Variants in SAFB observed in about 807,000 individuals in gnomAD.
SAFB encodes scaffold attachment factor B1.
In SAFB, 15 loss-of-function variants were observed where a neutral mutation model predicts 101.6. That is an observed-to-expected ratio of 0.15 (90% CI 0.10 to 0.23). SAFB has a LOEUF of 0.23. Among genes scored for constraint, SAFB ranks in the 10% least tolerant of loss-of-function variants. SAFB has a pLI of 1.00. For missense variants in SAFB, 930 were observed against 1,104.1 expected (o/e 0.84, Z 2.23); for synonymous variants, 449 against 407.5 (o/e 1.10, Z -1.23).
chr19:5,655,100 C>T (rs56235695), intron 13 of SAFB, among the ~76,000 whole-genome samples: 5,767 of 152,236 alleles, frequency 0.038, 167 homozygotes, highest in Non-Finnish European at 0.056. Context: ...CCTGGCCCAT[C>T]TCGCCAGCCT....
At chr19:5,632,769 G>T (rs1475546405) in intron 2 of SAFB, among the ~76,000 whole-genome samples, 3 of 152,108 alleles carry the variant, frequency 2.0e-5, no homozygotes, top group Non-Finnish European at 4.4e-5. Flanking sequence ...ACCGGGTCTT[G>T]CCCTGTTACC....
chr19:5,644,805 C>T (rs909421845), intron 4 of SAFB, among the ~76,000 whole-genome samples: 16 of 152,332 alleles, frequency 1.1e-4, no homozygotes, highest in Admixed American at 3.3e-4. Context: ...AGCTATTCTT[C>T]CCCTGCAAGT....
chr19:5,657,461 G>C (rs1237913600), intron 14 of SAFB, 114 bp downstream of exon 14: 4 of 642,724 alleles, frequency 6.2e-6, no homozygotes, highest in South Asian at 1.9e-5. Flanking sequence ...GAACCTTTTT[G>C]CTCCTTCAGC....
chr19:5,647,899 T>C (rs1599353614), intron 5 of SAFB, 117 bp from the exon 6 acceptor site: 3 of 934,020 alleles, frequency 3.2e-6, no homozygotes, highest in East Asian at 5.0e-5. Flanking sequence ...CTCTTGAGTT[T>C]GTGAGTTTCC....
chr19:5,664,342 C>T, intron 16 of SAFB, 55 bp from the exon 17 acceptor site: 1 of 1,543,596 alleles, frequency 6.5e-7, no homozygotes, highest in Non-Finnish European at 9.0e-7. Flanking sequence ...ATGGTCCTCT[C>T]TTTGTGAACA....
chr19:5,623,344 A>G lies in SAFB; in HGVS notation c.139A>G (p.Asn47Asp), dbSNP rs2053234124. The stretch of plus-strand genomic sequence containing the variant: ...TCTGCGGGCGGAGCTGAGGAAACGG[A>G]ATGTGGACTCGAGCGGCAACAAGAG... ...IDLRAELRKR[N>D]VDSSGNKSVL... Residue 47 changes from asparagine (N) to aspartate (D), a missense_variant, in exon 1 of 21, where the codon AAT becomes GAT. Asn to Asp is a conservative substitution (Grantham distance 23, BLOSUM62 1). Transcript: ENST00000588852. The G allele has an allele frequency of 6.2e-7, 1 of 1,613,838 alleles. No homozygotes were observed. Among genetic ancestry groups the G allele is most frequent in the Non-Finnish European group, 8.5e-7 (1 of 1,179,878 alleles).
chr19:5,636,257 A>G (rs2053593460), intron 2 of SAFB, among the ~76,000 whole-genome samples: 1 of 152,072 alleles, frequency 6.6e-6, no homozygotes, highest in Admixed American at 6.6e-5. Flanking sequence ...CTGATAAGTT[A>G]GTAGATTTTT....
intron 2 of SAFB, among the ~76,000 whole-genome samples, chr19:5,628,933 T>C (rs771525387): frequency 1.3e-4 from 20 of 152,216 alleles, no homozygotes; most frequent in Non-Finnish European, 2.4e-4. Flanking sequence ...CTTTTGTTGC[T>C]GTTTTTGTTT....
At chr19:5,645,527 C>T (rs1359738762) in intron 5 of SAFB, 128 bp downstream of exon 5, 6 of 556,062 alleles carry the variant, frequency 1.1e-5, no homozygotes, top group East Asian at 3.1e-5. Context: ...TTGTCAGGAT[C>T]GTTAATGGGT....
chr19:5,667,198 C>A lies in SAFB; in HGVS notation c.2453+34C>A, dbSNP rs199860633. The A allele has an allele frequency of 6.8e-6, 9 of 1,321,524 alleles. No individual in the cohort carries two copies. Among genetic ancestry groups the A allele is most frequent in the Admixed American group, 4.5e-5 (2 of 44,836 alleles). The allele number at this position is 1,321,524 out of a possible 1,614,324, so 81.9% of individuals were successfully genotyped here. A position where few individuals can be genotyped will look rare whatever the true frequency, so the allele number is the denominator to read the frequency against. On this transcript the variant is annotated intron_variant, in intron 18 of 20. Transcript: ENST00000588852. This position sits in a 1 kb window ranked among gnomAD's most constrained non-coding sequence, Gnocchi z 4.0. ...CCCACACCCGACAGTACCTGACCCC[C>A]CCCCCGCCCACAAGGGGGCCCGCAA...
chr19:5,623,248 G>A lies in SAFB; in HGVS notation c.43G>A (p.Gly15Ser), dbSNP rs1441073284. The A allele has an allele frequency of 1.3e-6, 2 of 1,564,660 alleles. No individual in the cohort carries two copies. Among genetic ancestry groups the A allele is most frequent in the Non-Finnish European group, 1.7e-6 (2 of 1,155,030 alleles). ...LSGLGDSGAA[G>S]AAALSSASSE... is the part of the protein sequence containing the mutation. ...AGGCCTAGGTGATTCTGGAGCGGCG[G>A]GCGCGGCGGCTCTGAGCTCCGCCTC... The change falls in exon 1 of 21, where the codon GGC becomes AGC. Residue 15 changes from glycine to serine, a missense_variant. Gly to Ser is a moderately conservative substitution (Grantham distance 56). Transcript: ENST00000588852.
At chr19:5,646,918 G>C (rs962795597) in intron 5 of SAFB, among the ~76,000 whole-genome samples, 3 of 152,208 alleles carry the variant, frequency 2.0e-5, no homozygotes, top group Non-Finnish European at 4.4e-5. Flanking sequence ...CCCACCTGCT[G>C]TGTGTCCTTG....
chr19:5,668,255 C>G lies in SAFB; in HGVS notation c.2718C>G (p.Ser906Arg), dbSNP rs1193430059. Residue 906 changes from serine (S) to arginine (R), a missense_variant, in exon 21 of 21, where the codon AGC (serine) becomes AGG (arginine). This residue lies in a region of SAFB where 318 missense variants were observed against 342.6 expected (regional missense o/e 0.93). Transcript: ENST00000588852. ...QGGFGGQSRG[S>R]RPSDARFTRR... ...GGTTTGGAGGCCAGAGCCGGGGGAG[C>G]AGGCCCAGCGATGCCCGCTTCACTC... 1.2e-6 allele frequency: 2 copies of G among 1,611,694 alleles called. No individual in the cohort carries two copies.
intron 2 of SAFB, among the ~76,000 whole-genome samples, chr19:5,632,265 A>T (rs2053505840): frequency 6.6e-6 from 1 of 152,156 alleles, no homozygotes; most frequent in East Asian, 1.9e-4. Flanking sequence ...TTGCAAGAAT[A>T]ATGCAAGGAA....
At chr19:5,641,372 CT>C (rs1230608493) in intron 2 of SAFB, among the ~76,000 whole-genome samples, 1 of 151,960 alleles carries the variant, frequency 6.6e-6, no homozygotes, top group African/African-American at 2.4e-5. Flanking sequence ...GTTTTCTGCA[CT>C]TCTACTTCCA....
chr19:5,656,845 A>C (rs1568273934), intron 13 of SAFB, among the ~76,000 whole-genome samples: 1 of 151,900 alleles, frequency 6.6e-6, no homozygotes, highest in Admixed American at 6.6e-5. Context: ...ATCTTGGCTC[A>C]CTGCAAGCTC....
intron 9 of SAFB, among the ~76,000 whole-genome samples, chr19:5,652,505 G>A (rs8102477): frequency 0.038 from 5,790 of 152,196 alleles, 404 homozygotes; most frequent in African/African-American, 0.13. Context: ...TACCAGCCTC[G>A]GCCACTGGCT....
At chr19:5,626,229 C>T (rs960245344) in intron 1 of SAFB, among the ~76,000 whole-genome samples, 176 bp from the exon 2 acceptor site, 42 of 152,128 alleles carry the variant, frequency 2.8e-4, no homozygotes, top group African/African-American at 4.8e-5. Flanking sequence ...TGGCGTCAGT[C>T]GGTCTCCAGT....
At chr19:5,662,177 G>C (rs2145488445) in intron 15 of SAFB, among the ~76,000 whole-genome samples, 1 of 152,110 alleles carries the variant, frequency 6.6e-6, no homozygotes, top group South Asian at 2.1e-4. Flanking sequence ...GAGCCACCGC[G>C]ACCGGCCAGC....
Sources: allele counts gnomAD v4.1 joint callset (sites outside exome capture counted in the v4.1 genomes callset), GRCh38; gene constraint gnomAD v4.1.1; regional missense constraint gnomAD v4.1.1; non-coding constraint Gnocchi (gnomAD v3.1); transcripts MANE v1.5; gene names NCBI Gene and HGNC (gene_info 2026-07-23, HGNC 2026-07-21).